The following CHL1 variants were observed in gnomAD, a reference collection of about 807,000 sequenced individuals.
CHL1 encodes the protein neural cell adhesion molecule L1-like protein.
Under a neutral mutation model 141.9 loss-of-function variants are expected in CHL1, and 96 were observed. That is an observed-to-expected ratio of 0.68 (90% CI 0.57 to 0.80). CHL1 has a LOEUF of 0.80. CHL1 is among the 30% of genes least tolerant of loss of function. CHL1 has a pLI of 0.00. For missense variants in CHL1, 1,820 were observed against 1,457.2 expected, an observed-to-expected ratio of 1.25 and a Z score of -4.05; for synonymous variants, 613 against 502.2, an observed-to-expected ratio of 1.22 and a Z score of -2.95.
chr3:307,143 A>G (rs978338762), intron 2 of CHL1, among the ~76,000 whole-genome samples: 1 of 152,214 alleles, frequency 6.6e-6, no homozygotes, highest in Non-Finnish European at 1.5e-5. Flanking sequence ...ATAGGTATCA[A>G]TATTTTCCAA....
At chr3:281,655 G>C (rs1478631816) in intron 2 of CHL1, among the ~76,000 whole-genome samples, 2 of 151,252 alleles carry the variant, frequency 1.3e-5, no homozygotes, top group Non-Finnish European at 2.9e-5. Context: ...TGTCTCCTGG[G>C]TTCAAGCGAT....
At position 291,398 on chromosome 3, in the gene CHL1, T is replaced by A. The variant is rs1045687646; in HGVS notation, c.-94-28285T>A. 5.9e-5 allele frequency among the ~76,000 whole-genome samples: 9 copies of A among 152,028 alleles called. No homozygotes were observed. In the South Asian group the frequency reaches 1.9e-3, roughly 31 times the overall value. Reference sequence around the variant, plus strand: ...ATATTGGGTAAGTTTTATTATACAATTTTTCTCAGATTGATTTTAGTTTTA... The same window carrying A: ...ATATTGGGTAAGTTTTATTATACAAATTTTCTCAGATTGATTTTAGTTTTA... On this transcript the variant is annotated intron_variant, in intron 2 of 27. Coordinates refer to ENST00000256509, the MANE Select transcript of CHL1 (RefSeq NM_006614.4).
At chr3:384,122 G>T (rs373601454) in intron 19 of CHL1, among the ~76,000 whole-genome samples, 2 of 152,042 alleles carry the variant, frequency 1.3e-5, no homozygotes, top group African/African-American at 4.8e-5. Context: ...GATTGATTTA[G>T]TTGTAATACA....
intron 2 of CHL1, among the ~76,000 whole-genome samples, chr3:269,588 T>A (rs59397957): frequency 0.014 from 2,059 of 152,276 alleles, 43 homozygotes; most frequent in African/African-American, 0.047. Flanking sequence ...TGCAATGGTA[T>A]GATCTTGGCT....
chr3:328,092 T>C (rs1701146879), intron 4 of CHL1, 75 bp from the exon 5 acceptor site: 1 of 1,138,134 alleles, frequency 8.8e-7, no homozygotes, highest in Admixed American at 2.4e-5. Context: ...TTGTCAATTT[T>C]ATGCAATTGT....
chr3:249,558 G>A (rs1693490508), intron 2 of CHL1, among the ~76,000 whole-genome samples: 1 of 152,150 alleles, frequency 6.6e-6, no homozygotes. Flanking sequence ...TGAGAAACTG[G>A]CACTATTGGC....
intron 5 of CHL1, among the ~76,000 whole-genome samples, chr3:336,637 G>A (rs1202876900): frequency 2.0e-5 from 3 of 152,168 alleles, no homozygotes; most frequent in Non-Finnish European, 2.9e-5. Flanking sequence ...CTGAATCTTT[G>A]TAACCAGTTA....
At chr3:241,632 T>A (rs905436904) in intron 1 of CHL1, among the ~76,000 whole-genome samples, 1 of 152,064 alleles carries the variant, frequency 6.6e-6, no homozygotes, top group Non-Finnish European at 1.5e-5. Context: ...ATTTAACTAG[T>A]TTTTTTGTGC....
chr3:371,569 T>C (rs1299316308), intron 15 of CHL1, among the ~76,000 whole-genome samples: 1 of 152,188 alleles, frequency 6.6e-6, no homozygotes, highest in East Asian at 1.9e-4. Context: ...GATTTGCCAG[T>C]CTGTGACTTT....
At chr3:321,904 A>G (rs983605984) in intron 3 of CHL1, among the ~76,000 whole-genome samples, 4 of 152,032 alleles carry the variant, frequency 2.6e-5, no homozygotes, top group African/African-American at 9.7e-5. Context: ...ATAATGTAGA[A>G]TATATATTCT....
intron 19 of CHL1, among the ~76,000 whole-genome samples, chr3:388,792 A>G (rs1707982914): frequency 6.6e-6 from 1 of 152,224 alleles, no homozygotes; most frequent in South Asian, 2.1e-4. Flanking sequence ...GAAGGATAGA[A>G]CCAGGTGCAA....
chr3:260,397 T>C (rs745328828), intron 2 of CHL1, among the ~76,000 whole-genome samples: 6 of 152,238 alleles, frequency 3.9e-5, no homozygotes, highest in Non-Finnish European at 5.9e-5. Context: ...GTCAACTGCA[T>C]ATTACTGGCC....
At chr3:294,003 C>T (rs535059274) in intron 2 of CHL1, among the ~76,000 whole-genome samples, 1 of 151,904 alleles carries the variant, frequency 6.6e-6, no homozygotes, top group Admixed American at 6.6e-5. Flanking sequence ...TTCAGGTGAC[C>T]CATCCACCTT....
rs1559311967 is a variant in CHL1, at chr3:363,274, T to C, written c.1476T>C (p.Asn492=). Residue 492 remains asparagine, a synonymous_variant, in exon 14 of 28, where the codon AAT becomes AAC. Transcript: ENST00000256509. Reference sequence around the variant, plus strand: ...GCAGGCGGTATCATATCTATGAAAATGGCACATTGCAGATCAACAGAACCA... The same window carrying C: ...GCAGGCGGTATCATATCTATGAAAACGGCACATTGCAGATCAACAGAACCA... The part of the protein sequence containing the change: ...LEGRRYHIYE[N]GTLQINRTTE... 6.2e-7 allele frequency: 1 copy of C among 1,613,648 alleles called. No homozygotes were observed. Among genetic ancestry groups the C allele is most frequent in the Non-Finnish European group, 8.5e-7 (1 of 1,179,708 alleles).
chr3:360,452 A>T, intron 12 of CHL1, 28 bp downstream of exon 12: 1 of 1,610,076 alleles, frequency 6.2e-7, no homozygotes, highest in Non-Finnish European at 8.5e-7. Context: ...CTGACTTAAC[A>T]TGCTATTTTC....
chr3:320,701 A>T (rs941105329), intron 3 of CHL1, among the ~76,000 whole-genome samples: 4 of 152,102 alleles, frequency 2.6e-5, no homozygotes, highest in African/African-American at 4.8e-5. Flanking sequence ...TTGTTTTTTT[A>T]AAAAAATAAA....
intron 9 of CHL1, among the ~76,000 whole-genome samples, chr3:346,637 G>A (rs910206827): frequency 1.3e-5 from 2 of 152,146 alleles, no homozygotes; most frequent in Non-Finnish European, 2.9e-5. Flanking sequence ...GTTGTTGTGA[G>A]GACATGAAAA....
intron 2 of CHL1, among the ~76,000 whole-genome samples, chr3:318,452 C>A (rs1700303758): frequency 1.3e-5 from 2 of 151,446 alleles, no homozygotes; most frequent in Admixed American, 1.3e-4. Flanking sequence ...CATTTTGGAG[C>A]AAATTATTGT....
Position 302,741 on chromosome 3 carries a change from A to G in CHL1, c.-94-16942A>G, listed in dbSNP as rs530220440. 2.0e-5 allele frequency among the ~76,000 whole-genome samples: 3 copies of G among 152,264 alleles called. No homozygotes were observed. The South Asian group carries it at 6.2e-4, about 32-fold the overall frequency. On this transcript the variant is annotated intron_variant, in intron 2 of 27. Transcript: ENST00000256509. ...TTCTTTTGCTGTGAAGAAGCTCTTT[A>G]GTTTAATTAGATCCCATTTGTCAGT...
Sources: gnomAD v4.1 joint callset for allele counts (sites outside exome capture counted in the v4.1 genomes callset) on GRCh38, gnomAD v4.1.1 for gene constraint, MANE v1.5 for transcripts, NCBI Gene and HGNC (gene_info 2026-07-23, HGNC 2026-07-21) for gene names.